SLC25A53: variants seen among roughly 807,000 people sequenced by gnomAD.
SLC25A53 encodes solute carrier family 25 member 53, also known as mitochondrial carrier triple repeat protein 6.
Under a neutral mutation model 15.0 loss-of-function variants are expected in SLC25A53, and 5 were observed. That is an observed-to-expected ratio of 0.33 (90% CI 0.17 to 0.70). The LOEUF is 0.70. Ranked by LOEUF, SLC25A53 falls within the 30% of genes least tolerant of loss-of-function variation. The probability of loss-of-function intolerance (pLI) is 0.67; values close to 1 mark genes in which losing one functional copy is unlikely to be tolerated. For synonymous variants in SLC25A53, 95 were observed against 100.0 expected (o/e 0.95, Z 0.30); for missense variants, 216 against 241.6 (o/e 0.89, Z 0.70).
At chrX:104,150,436 C>T (rs1233064025) in intron 1 of SLC25A53, among the ~76,000 whole-genome samples, 2 of 110,962 alleles carry the variant, frequency 1.8e-5, no homozygotes, top group Admixed American at 9.6e-5. Context: ...TTGGCACTCA[C>T]AGCTGGGCCT....
At chrX:104,122,052 G>A (rs2075396134) in intron 1 of SLC25A53, among the ~76,000 whole-genome samples, 1 of 102,492 alleles carries the variant, frequency 9.8e-6, no homozygotes, top group Non-Finnish European at 2.0e-5. Flanking sequence ...GATTACAGGT[G>A]TGAACCATCA....
In SLC25A53 at chrX:104,136,748, C is replaced by A. The variant is rs782637740; in HGVS notation, c.-32+20130G>T. On this transcript the variant is annotated intron_variant, in intron 1 of 1. Transcript: ENST00000594199. ...GCTCAAAGTTAATCATATCCTTCTCCATGTCCTGCAAAGTGTCTTGTACTC... is the reference window on the plus strand; with the variant it reads ...GCTCAAAGTTAATCATATCCTTCTCAATGTCCTGCAAAGTGTCTTGTACTC... Among the ~76,000 whole-genome samples the A allele has an allele frequency of 8.7e-4, 97 of 112,078 alleles. 1 individual carries two copies. The highest frequency in any genetic ancestry group is 3.1e-3 in the African/African-American group (97 of 30,815).
chrX:104,147,672 T>C (rs1374592539), intron 1 of SLC25A53, among the ~76,000 whole-genome samples: 21 of 111,206 alleles, frequency 1.9e-4, no homozygotes, highest in African/African-American at 9.8e-5. Flanking sequence ...AAAGAAGACA[T>C]TGATGCAGCC....
At chrX:104,148,126 A>G (rs2075473921) in intron 1 of SLC25A53, among the ~76,000 whole-genome samples, 1 of 110,089 alleles carries the variant, frequency 9.1e-6, no homozygotes, top group African/African-American at 3.3e-5. Flanking sequence ...CAGCCATAAA[A>G]AATGATGAGT....
chrX:104,108,262 A>G (rs1455573605), intron 1 of SLC25A53, among the ~76,000 whole-genome samples: 9 of 111,772 alleles, frequency 8.1e-5, no homozygotes, highest in Non-Finnish European at 1.5e-4. Flanking sequence ...CATTTCATTC[A>G]GTCTCAGGTT....
intron 1 of SLC25A53, among the ~76,000 whole-genome samples, chrX:104,109,891 A>C (rs1290187526): frequency 8.9e-6 from 1 of 112,106 alleles, no homozygotes; most frequent in African/African-American, 3.2e-5. Flanking sequence ...TTATCTCCAA[A>C]CCTTCAAGCT....
rs1196053552 is a variant in SLC25A53, at chrX:104,102,150, A to C, written c.*2184T>G. 3 of 112,039 alleles carry C rather than the reference A, an allele frequency of 2.7e-5. No homozygotes were observed. Among genetic ancestry groups the C allele is most frequent in the African/African-American group, 9.8e-5 (3 of 30,767 alleles). 9.2% of individuals were successfully genotyped at this position (112,039 alleles called of 1,213,427 possible). A position where few individuals can be genotyped will look rare whatever the true frequency, so the allele number is the denominator to read the frequency against. On this transcript the variant is annotated 3_prime_UTR_variant, in exon 2 of 2. Coordinates refer to ENST00000594199, the MANE Select transcript of SLC25A53 (RefSeq NM_001012755.5). ...GGTGGCAAATGCTCTCTGACATCAT[A>C]CCTCCAACAACCATGTCTTTAATTT...
At chrX:104,125,700 G>C (rs1486099860) in intron 1 of SLC25A53, among the ~76,000 whole-genome samples, 2 of 111,490 alleles carry the variant, frequency 1.8e-5, no homozygotes, top group Admixed American at 1.9e-4. Context: ...TGGGCATTCA[G>C]CATCTCCTTA....
intron 1 of SLC25A53, among the ~76,000 whole-genome samples, chrX:104,117,660 C>T (rs2075381884): frequency 9.0e-6 from 1 of 110,945 alleles, no homozygotes; most frequent in Non-Finnish European, 1.9e-5. Flanking sequence ...CCAACACTAC[C>T]TGGCTCTTAC....
intron 1 of SLC25A53, among the ~76,000 whole-genome samples, chrX:104,120,457 A>G (rs1295411733): frequency 1.8e-5 from 2 of 112,128 alleles, no homozygotes; most frequent in Non-Finnish European, 3.8e-5. Flanking sequence ...TGTGTATACT[A>G]CTATAAATTA....
rs1420547478 is a variant in SLC25A53 at position 104,103,523 on chromosome X, TG to T, written c.*810del. Reference sequence around the variant, plus strand: ...CACATCAACAAAATATGCAATTTTCTGTGAAGAGATATGGTCACTTCACTTC... The same window carrying T: ...CACATCAACAAAATATGCAATTTTCTTGAAGAGATATGGTCACTTCACTTC... On this transcript the variant is annotated 3_prime_UTR_variant, in exon 2 of 2. Transcript: ENST00000594199. 1 of 111,930 alleles carries T rather than the reference TG, an allele frequency of 8.9e-6. No individual in the cohort carries two copies. The highest frequency in any genetic ancestry group is 3.2e-5 in the African/African-American group (1 of 30,810). The allele number at this position is 111,930 out of a possible 1,213,427, so 9.2% of individuals were successfully genotyped here. A position where few individuals can be genotyped will look rare whatever the true frequency, so the allele number is the denominator to read the frequency against.
intron 1 of SLC25A53, among the ~76,000 whole-genome samples, chrX:104,139,105 T>C (rs2075444367): frequency 8.9e-6 from 1 of 112,740 alleles, no homozygotes; most frequent in African/African-American, 3.2e-5. Context: ...TCCATATCAT[T>C]TAAAGGGATC....
chrX:104,115,481 G>A (rs2075373461), intron 1 of SLC25A53: 4 of 490,668 alleles, frequency 8.2e-6, no homozygotes, highest in Admixed American at 4.1e-5. Context: ...ACAGTGGATG[G>A]GGAATGGTGT....
chrX:104,149,988 T>C (rs1472396797), intron 1 of SLC25A53, among the ~76,000 whole-genome samples: 1 of 110,715 alleles, frequency 9.0e-6, no homozygotes, highest in African/African-American at 3.3e-5. Context: ...ATCTCAATAC[T>C]TTGGGAGTCC....
intron 1 of SLC25A53, among the ~76,000 whole-genome samples, chrX:104,120,283 C>G (rs1020738579): frequency 9.0e-6 from 1 of 111,478 alleles, no homozygotes; most frequent in Non-Finnish European, 1.9e-5. Flanking sequence ...TCACTAGATA[C>G]CACCAAACTG....
intron 1 of SLC25A53, among the ~76,000 whole-genome samples, chrX:104,132,047 T>C (rs782654464): frequency 8.9e-6 from 1 of 112,449 alleles, no homozygotes; most frequent in East Asian, 2.8e-4. Context: ...TTCAACTTGC[T>C]AAAAAGCTTG....
rs141814862 is a variant in SLC25A53, at chrX:104,115,011, A to T, written c.-31-9723T>A. 41 of 1,192,022 alleles carry T rather than the reference A, an allele frequency of 3.4e-5. No homozygotes were observed. In the Middle Eastern group the frequency reaches 9.2e-4, roughly 27 times the overall value. On this transcript the variant is annotated intron_variant, in intron 1 of 1. Transcript: ENST00000594199. ...CAGGTGCCCCTCCCTTCAGAGGAAGAGCCAGACCTCTGGATCAAGTGCTGG... is the reference window on the plus strand; with the variant it reads ...CAGGTGCCCCTCCCTTCAGAGGAAGTGCCAGACCTCTGGATCAAGTGCTGG...
At chrX:104,154,676 T>C (rs782772621) in intron 1 of SLC25A53, among the ~76,000 whole-genome samples, 2 of 112,074 alleles carry the variant, frequency 1.8e-5, no homozygotes, top group Middle Eastern at 4.6e-3. Context: ...AATCTGTCCA[T>C]TGATGAGCCT....
At chrX:104,115,470 C>G (rs782365566) in intron 1 of SLC25A53, 5 of 524,045 alleles carry the variant, frequency 9.5e-6, no homozygotes, top group Non-Finnish European at 1.6e-5. Context: ...TGCATACCAG[C>G]ACAGTGGATG....
Sources: gnomAD v4.1 joint callset for allele counts (sites outside exome capture counted in the v4.1 genomes callset) on GRCh38, gnomAD v4.1.1 for gene constraint, MANE v1.5 for transcripts, NCBI Gene and HGNC (gene_info 2026-07-23, HGNC 2026-07-21) for gene names.